EYS: variants seen among roughly 807,000 people sequenced by gnomAD.
The protein encoded by EYS is protein eyes shut homolog.
A neutral mutation model predicts 282.1 loss-of-function variants in EYS; 250 were observed. The ratio of observed to expected loss-of-function variants is 0.89; its 90% CI spans 0.80 to 0.98. The LOEUF (loss-of-function observed/expected upper bound fraction) is 0.98. Ranked by LOEUF, EYS falls within the 50% of genes least tolerant of loss-of-function variation. The pLI is 0.00. For synonymous variants in EYS, 1,355 were observed against 1,282.9 expected (o/e 1.06, Z -1.20); for missense variants, 4,016 against 3,709.0 (o/e 1.08, Z -2.15).
At chr6:64,585,389 G>C (rs752310824) in intron 26 of EYS, among the ~76,000 whole-genome samples, 1 of 151,980 alleles carries the variant, frequency 6.6e-6, no homozygotes, top group South Asian at 2.1e-4. Context: ...TTGGATGATG[G>C]GATCTGTACC....
intron 30 of EYS, among the ~76,000 whole-genome samples, chr6:64,303,606 G>A (rs1769315009): frequency 6.6e-6 from 1 of 152,000 alleles, no homozygotes; most frequent in Non-Finnish European, 1.5e-5. Flanking sequence ...ACTTTGGGAG[G>A]CCGAGACGGG....
chr6:63,881,824 T>C (rs980832660), intron 35 of EYS, among the ~76,000 whole-genome samples: 2 of 152,156 alleles, frequency 1.3e-5, no homozygotes, highest in Non-Finnish European at 2.9e-5. Context: ...TTGTTTTCAA[T>C]CTAATTAAAG....
At chr6:64,098,580 T>C (rs1185747121) in intron 31 of EYS, among the ~76,000 whole-genome samples, 1 of 151,702 alleles carries the variant, frequency 6.6e-6, no homozygotes, top group African/African-American at 2.4e-5. Context: ...TCTTCAAATG[T>C]GTTAGTAATG....
chr6:64,419,279 C>T (rs551255739), intron 28 of EYS, among the ~76,000 whole-genome samples: 28 of 152,290 alleles, frequency 1.8e-4, no homozygotes, highest in African/African-American at 6.7e-4. Flanking sequence ...CTCCATGATT[C>T]AATTACCTCC....
chr6:65,636,200 A>C (rs533189840), intron 2 of EYS, among the ~76,000 whole-genome samples: 1 of 152,328 alleles, frequency 6.6e-6, no homozygotes, highest in South Asian at 2.1e-4. Context: ...CTCTGCGCAA[A>C]ATTTTTCAAT....
intron 1 of EYS, among the ~76,000 whole-genome samples, chr6:65,650,703 G>C (rs893551004): frequency 2.0e-5 from 3 of 152,124 alleles, no homozygotes; most frequent in African/African-American, 7.2e-5. Context: ...TTCTTCTGGG[G>C]AAACAACATT....
At chr6:65,477,975 C>A (rs551253083) in intron 5 of EYS, among the ~76,000 whole-genome samples, 29 of 152,190 alleles carry the variant, frequency 1.9e-4, no homozygotes, top group African/African-American at 6.7e-4. Context: ...ATACTTTGAA[C>A]TTCTTTTAAG....
At chr6:64,693,062 G>C (rs1038736789) in intron 22 of EYS, among the ~76,000 whole-genome samples, 2 of 114,476 alleles carry the variant, frequency 1.7e-5, no homozygotes, top group African/African-American at 6.7e-5. Context: ...TTTATGATTT[G>C]ATAGGAATAT....
intron 24 of EYS, among the ~76,000 whole-genome samples, chr6:64,612,136 C>T (rs1181868342): frequency 6.6e-6 from 1 of 152,056 alleles, no homozygotes; most frequent in African/African-American, 2.4e-5. Context: ...AACTGAACAC[C>T]ACAAATAGGC....
intron 41 of EYS, chr6:63,745,023 G>C (rs1769178861): frequency 2.4e-6 from 1 of 425,362 alleles, no homozygotes; most frequent in Non-Finnish European, 4.6e-6. Context: ...TTGATGACCT[G>C]GCAAGAAAAA....
At chr6:65,071,663 A>G (rs912811512) in intron 12 of EYS, among the ~76,000 whole-genome samples, 10 of 151,958 alleles carry the variant, frequency 6.6e-5, no homozygotes, top group East Asian at 1.9e-4. Flanking sequence ...ACTGACAACC[A>G]AGGGAAATAA....
chr6:65,255,594 T>C (rs1767439163), intron 12 of EYS, among the ~76,000 whole-genome samples: 1 of 151,986 alleles, frequency 6.6e-6, no homozygotes, highest in African/African-American at 2.4e-5. Flanking sequence ...TGGAAAAAAG[T>C]ATTTGCAAAC....
At chr6:65,139,808 A>G (rs1013407781) in intron 12 of EYS, among the ~76,000 whole-genome samples, 5 of 152,082 alleles carry the variant, frequency 3.3e-5, no homozygotes, top group Non-Finnish European at 5.9e-5. Context: ...GGTTTCTCAA[A>G]TAACTTAAAA....
intron 22 of EYS, among the ~76,000 whole-genome samples, chr6:64,694,443 G>C (rs1432336796): frequency 6.6e-6 from 1 of 152,184 alleles, no homozygotes; most frequent in Non-Finnish European, 1.5e-5. Context: ...TCAGGCCACA[G>C]GGGAACTCCT....
At chr6:63,913,175 A>G (rs1041146061) in intron 35 of EYS, among the ~76,000 whole-genome samples, 3 of 152,214 alleles carry the variant, frequency 2.0e-5, no homozygotes, top group Non-Finnish European at 4.4e-5. Context: ...TGAGAGTTAT[A>G]AATGTCTCAG....
At chr6:65,506,821 C>G (rs895001120) in intron 2 of EYS, among the ~76,000 whole-genome samples, 7 of 152,056 alleles carry the variant, frequency 4.6e-5, no homozygotes, top group African/African-American at 1.7e-4. Context: ...TAACAGTATT[C>G]TGCTTCATGT....
At chr6:64,987,758 G>A (rs1562288793) in intron 14 of EYS, among the ~76,000 whole-genome samples, 1 of 151,404 alleles carries the variant, frequency 6.6e-6, no homozygotes, top group Non-Finnish European at 1.5e-5. Context: ...ATCCTGGAAA[G>A]ACACACCTCA....
intron 12 of EYS, among the ~76,000 whole-genome samples, chr6:65,090,639 T>C (rs1465633247): frequency 1.3e-5 from 2 of 152,186 alleles, no homozygotes; most frequent in Non-Finnish European, 1.5e-5. Flanking sequence ...GGATAAGTCA[T>C]GGGAGCGGCT....
intron 2 of EYS, among the ~76,000 whole-genome samples, chr6:65,632,770 A>C (rs941918580): frequency 1.3e-5 from 2 of 152,216 alleles, no homozygotes; most frequent in Non-Finnish European, 2.9e-5. Flanking sequence ...TCTCAAGTAG[A>C]AACAAAGAAT....
Sources: gnomAD v4.1 joint callset for allele counts (sites outside exome capture counted in the v4.1 genomes callset) on GRCh38, gnomAD v4.1.1 for gene constraint, MANE v1.5 for transcripts, NCBI Gene and HGNC (gene_info 2026-07-23, HGNC 2026-07-21) for gene names.